ATP8A2: variants seen among roughly 807,000 people sequenced by gnomAD.
ATP8A2 encodes phospholipid-transporting ATPase IB.
A neutral mutation model predicts 165.6 loss-of-function variants in ATP8A2; 100 were observed. That is an observed-to-expected ratio of 0.60 (90% CI 0.51 to 0.71). The LOEUF (loss-of-function observed/expected upper bound fraction) is 0.71. Among genes scored for constraint, ATP8A2 ranks in the 30% least tolerant of loss-of-function variants. The pLI is 0.00. For synonymous variants in ATP8A2, 543 were observed against 548.8 expected (o/e 0.99, Z 0.15); for missense variants, 1,227 against 1,479.5 (o/e 0.83, Z 2.80).
intron 2 of ATP8A2, 92 bp downstream of exon 2, chr13:25,469,213 G>C: frequency 6.8e-7 from 1 of 1,470,134 alleles, no homozygotes; most frequent in Non-Finnish European, 9.2e-7. Context: ...CGCGCACCTG[G>C]CCGGCCCCCG....
At chr13:25,748,138 G>T (rs550714496) in intron 25 of ATP8A2, among the ~76,000 whole-genome samples, 2 of 152,348 alleles carry the variant, frequency 1.3e-5, no homozygotes, top group South Asian at 4.1e-4. Flanking sequence ...TTCCAAAACA[G>T]TGTATATAGA....
chr13:25,909,744 C>A (rs1423350731), intron 33 of ATP8A2, among the ~76,000 whole-genome samples: 1 of 152,106 alleles, frequency 6.6e-6, no homozygotes, highest in Non-Finnish European at 1.5e-5. Flanking sequence ...TTTCCAGAAC[C>A]TTTTCATCTT....
At chr13:25,759,467 G>A (rs1389520208) in intron 25 of ATP8A2, among the ~76,000 whole-genome samples, 1 of 152,088 alleles carries the variant, frequency 6.6e-6, no homozygotes, top group African/African-American at 2.4e-5. Flanking sequence ...CCCCACAGCA[G>A]AGGTCAGGCA....
intron 27 of ATP8A2, among the ~76,000 whole-genome samples, chr13:25,785,514 C>A (rs2045001891): frequency 6.6e-6 from 1 of 152,052 alleles, no homozygotes; most frequent in African/African-American, 2.4e-5. Flanking sequence ...GCTAAGTTTT[C>A]TTTTCATTTT....
intron 1 of ATP8A2, among the ~76,000 whole-genome samples, chr13:25,421,721 A>G (rs1441216622): frequency 6.6e-6 from 1 of 152,240 alleles, no homozygotes; most frequent in Non-Finnish European, 1.5e-5. Context: ...CAGGACTGGA[A>G]GTAGACACTA....
chr13:25,443,407 A>C (rs1396875088), intron 1 of ATP8A2, among the ~76,000 whole-genome samples: 1 of 152,192 alleles, frequency 6.6e-6, no homozygotes, highest in African/African-American at 2.4e-5. Flanking sequence ...AAATAATAGA[A>C]ACTCTGTCTG....
At chr13:25,379,988 G>C (rs915953923) in intron 1 of ATP8A2, among the ~76,000 whole-genome samples, 1 of 152,174 alleles carries the variant, frequency 6.6e-6, no homozygotes, top group African/African-American at 2.4e-5. Flanking sequence ...AGACACCAGC[G>C]TGGGCAGGCA....
chr13:25,884,246 AT>A (rs1953071728), intron 33 of ATP8A2, among the ~76,000 whole-genome samples: 1 of 152,196 alleles, frequency 6.6e-6, no homozygotes. Flanking sequence ...TCCCTTCTCC[AT>A]CACAGCAGCT....
chr13:25,840,192 ACTT>A (rs1175595322), intron 30 of ATP8A2, among the ~76,000 whole-genome samples: 1 of 152,126 alleles, frequency 6.6e-6, no homozygotes, highest in Non-Finnish European at 1.5e-5. Context: ...GTTTTTTCAC[ACTT>A]CTTAACACAT....
At chr13:26,016,912 A>G (rs1956989434) in intron 36 of ATP8A2, among the ~76,000 whole-genome samples, 1 of 152,166 alleles carries the variant, frequency 6.6e-6, no homozygotes, top group African/African-American at 2.4e-5. Context: ...CATTTAATTT[A>G]CAGAAAAGTA....
chr13:25,783,174 T>A (rs1272175411), intron 27 of ATP8A2, among the ~76,000 whole-genome samples: 1 of 152,242 alleles, frequency 6.6e-6, no homozygotes, highest in Non-Finnish European at 1.5e-5. Flanking sequence ...AGTGCTCTGA[T>A]GGCTGTGTGC....
intron 33 of ATP8A2, among the ~76,000 whole-genome samples, chr13:25,869,430 C>G (rs556469349): frequency 6.6e-6 from 1 of 152,120 alleles, no homozygotes; most frequent in African/African-American, 2.4e-5. Flanking sequence ...TAAAGTGACC[C>G]GAATCCGATT....
chr13:25,564,419 A>G (rs2039251704), intron 16 of ATP8A2, among the ~76,000 whole-genome samples: 1 of 152,222 alleles, frequency 6.6e-6, no homozygotes, highest in South Asian at 2.1e-4. Flanking sequence ...TAAGATATAT[A>G]TAATAACAGG....
rs549434780 is a variant in ATP8A2, at chr13:25,888,921, A to T, written c.3183+26513A>T. ...TATAGAAGGAAATTTTATTGAAATC[A>T]CTAGTTTTTTTTCTTTTATGTATGT... On this transcript the variant is annotated intron_variant, in intron 33 of 36. Transcript: ENST00000381655. 2.5e-4 allele frequency among the ~76,000 whole-genome samples: 38 copies of T among 152,254 alleles called. No individual in the cohort carries two copies. In the South Asian group the frequency reaches 7.5e-3, roughly 30 times the overall value.
intron 33 of ATP8A2, among the ~76,000 whole-genome samples, chr13:25,868,446 T>G (rs1952579479): frequency 6.6e-6 from 1 of 152,220 alleles, no homozygotes; most frequent in African/African-American, 2.4e-5. Flanking sequence ...CAGCAGAGAT[T>G]CACCTTTCGG....
chr13:25,654,394 G>T (rs147300285), intron 24 of ATP8A2, among the ~76,000 whole-genome samples: 1 of 152,224 alleles, frequency 6.6e-6, no homozygotes, highest in South Asian at 2.1e-4. Flanking sequence ...TTATGGAGAT[G>T]GGATTTCATC....
intron 27 of ATP8A2, among the ~76,000 whole-genome samples, chr13:25,793,781 T>C (rs1280337469): frequency 6.6e-6 from 1 of 152,160 alleles, no homozygotes; most frequent in African/African-American, 2.4e-5. Context: ...TGAAGGCCAC[T>C]GGTATGAGCT....
At chr13:25,410,192 G>T (rs1264130906) in intron 1 of ATP8A2, among the ~76,000 whole-genome samples, 1 of 151,946 alleles carries the variant, frequency 6.6e-6, no homozygotes, top group Non-Finnish European at 1.5e-5. Flanking sequence ...AAGAATTTAT[G>T]TAGACAGTCC....
intron 24 of ATP8A2, among the ~76,000 whole-genome samples, chr13:25,602,724 G>T (rs189279052): frequency 6.6e-4 from 100 of 152,244 alleles, no homozygotes; most frequent in African/African-American, 2.3e-3. Flanking sequence ...GATTCTGAGT[G>T]AAATGGGTGT....
Sources: allele counts gnomAD v4.1 joint callset (sites outside exome capture counted in the v4.1 genomes callset), GRCh38; gene constraint gnomAD v4.1.1; transcripts MANE v1.5; gene names NCBI Gene and HGNC (gene_info 2026-07-23, HGNC 2026-07-21).